The following STK32A variants were observed in gnomAD, a reference collection of about 807,000 sequenced individuals.
The protein encoded by STK32A is serine/threonine-protein kinase 32A.
In STK32A, 41 loss-of-function variants were observed where a neutral mutation model predicts 53.2. That is an observed-to-expected ratio of 0.77 (90% confidence interval 0.60 to 1.00). The LOEUF is 1.00. Ranked by LOEUF, STK32A falls within the 50% of genes least tolerant of loss-of-function variation. STK32A has a pLI of 0.00. For synonymous variants in STK32A, 166 were observed against 162.8 expected (o/e 1.02, Z -0.15); for missense variants, 458 against 485.8 (o/e 0.94, Z 0.54).
intron 2 of STK32A, among the ~76,000 whole-genome samples, chr5:147,256,241 G>T (rs9687779): frequency 0.31 from 46,538 of 152,120 alleles, 7,375 homozygotes; most frequent in African/African-American, 0.38. Context: ...GTGAACTAGT[G>T]TTGGGAGACA....
At chr5:147,369,458 G>A (rs1224314522) in intron 8 of STK32A, among the ~76,000 whole-genome samples, 1 of 151,970 alleles carries the variant, frequency 6.6e-6, no homozygotes, top group Non-Finnish European at 1.5e-5. Context: ...AATACTATTA[G>A]CCACTCACTC....
At chr5:147,322,170 G>A (rs1754354704) in intron 4 of STK32A, among the ~76,000 whole-genome samples, 1 of 152,186 alleles carries the variant, frequency 6.6e-6, no homozygotes, top group Non-Finnish European at 1.5e-5. Context: ...CAATGGCAGA[G>A]ATGACCAGCC....
At chr5:147,354,128 A>G (rs904123346) in intron 7 of STK32A, among the ~76,000 whole-genome samples, 2 of 152,190 alleles carry the variant, frequency 1.3e-5, no homozygotes, top group African/African-American at 4.8e-5. Flanking sequence ...AACAACTGCA[A>G]ATTTCATGGC....
chr5:147,331,777 G>A (rs1754884021), intron 5 of STK32A, among the ~76,000 whole-genome samples: 1 of 152,150 alleles, frequency 6.6e-6, no homozygotes, highest in Non-Finnish European at 1.5e-5. Flanking sequence ...TGATGTGGAT[G>A]TAGAGAGACA....
chr5:147,276,709 T>A (rs567826876), intron 2 of STK32A, among the ~76,000 whole-genome samples: 4 of 152,286 alleles, frequency 2.6e-5, no homozygotes, highest in African/African-American at 9.6e-5. Flanking sequence ...CTATAGTGGA[T>A]GAAATAAACT....
At chr5:147,397,630 GC>G in the STK32A span, 16 of 1,595,560 alleles carry the variant, frequency 1.0e-5, no homozygotes, top group Non-Finnish European at 1.4e-5. Context: ...GGAACACAAA[GC>G]TCCTGCACCA....
At chr5:147,257,055 A>G (rs1454285258) in intron 2 of STK32A, among the ~76,000 whole-genome samples, 1 of 152,204 alleles carries the variant, frequency 6.6e-6, no homozygotes, top group Non-Finnish European at 1.5e-5. Flanking sequence ...TGAGAGTTTG[A>G]GATAATAACC....
chr5:147,374,668 G>A (rs1039000122), intron 10 of STK32A, among the ~76,000 whole-genome samples: 6 of 152,060 alleles, frequency 3.9e-5, no homozygotes, highest in East Asian at 3.9e-4. Flanking sequence ...AGTGTGAATC[G>A]GAATCATCTG....
At chr5:147,289,587 T>C (rs931046670) in intron 4 of STK32A, among the ~76,000 whole-genome samples, 7 of 151,790 alleles carry the variant, frequency 4.6e-5, no homozygotes, top group South Asian at 2.1e-4. Context: ...TTTATACCTA[T>C]ACACACACAA....
intron 2 of STK32A, among the ~76,000 whole-genome samples, chr5:147,264,683 GC>G (rs1331089054): frequency 1.4e-4 from 22 of 152,222 alleles, no homozygotes; most frequent in African/African-American, 5.1e-4. Context: ...AAGAACATGA[GC>G]TAAATCCCCA....
chr5:147,333,673 A>G (rs1025575441), intron 5 of STK32A, among the ~76,000 whole-genome samples: 1 of 152,208 alleles, frequency 6.6e-6, no homozygotes, highest in Non-Finnish European at 1.5e-5. Flanking sequence ...CTAGCTACTC[A>G]TTTATATTAA....
chr5:147,326,750 A>G (rs544332001), intron 5 of STK32A, among the ~76,000 whole-genome samples: 2 of 152,310 alleles, frequency 1.3e-5, no homozygotes, highest in Admixed American at 6.5e-5. Flanking sequence ...TTTATCATCC[A>G]AACCAGGATA....
rs573500677 is a variant in STK32A at position 147,286,366 on chromosome 5, C to A, written c.260+6968C>A. 5.3e-5 allele frequency among the ~76,000 whole-genome samples: 8 copies of A among 152,196 alleles called. 1 individual carries two copies. Among genetic ancestry groups the A allele is most frequent in the African/African-American group, 1.7e-4 (7 of 41,534 alleles). On this transcript the variant is annotated intron_variant, in intron 4 of 12. Transcript: ENST00000397936. ...TGGGTGCAACAAAATCTCACAATCA[C>A]CACTAAAGAACTTACCCATGTAACC...
At chr5:147,267,643 A>C (rs1754863998) in intron 2 of STK32A, among the ~76,000 whole-genome samples, 1 of 152,330 alleles carries the variant, frequency 6.6e-6, no homozygotes, top group African/African-American at 2.4e-5. Flanking sequence ...AGGTAGCAGA[A>C]GTTCTATCAT....
chr5:147,280,499 AGG>A (rs1355378787), intron 4 of STK32A, among the ~76,000 whole-genome samples: 2 of 151,896 alleles, frequency 1.3e-5, no homozygotes, highest in African/African-American at 4.8e-5. Context: ...GAGCTGGGTG[AGG>A]CCTGTGACTG....
intron 4 of STK32A, among the ~76,000 whole-genome samples, chr5:147,298,019 T>C (rs370421374): frequency 5.3e-5 from 8 of 151,384 alleles, no homozygotes; most frequent in African/African-American, 1.9e-4. Flanking sequence ...GGTCAAGAAA[T>C]CATCAGTGTC....
chr5:147,370,902 G>C (rs1756980622), intron 9 of STK32A, 132 bp downstream of exon 9: 2 of 498,410 alleles, frequency 4.0e-6, no homozygotes, highest in African/African-American at 3.8e-5. Context: ...TTTTCTAGCT[G>C]TTAGCTTTCA....
chr5:147,268,586 C>A (rs1223513679), intron 2 of STK32A, among the ~76,000 whole-genome samples: 1 of 152,188 alleles, frequency 6.6e-6, no homozygotes, highest in East Asian at 1.9e-4. Flanking sequence ...TGTGATTTTA[C>A]TTTATTCCAA....
At chr5:147,340,925 A>C (rs1755373157) in intron 5 of STK32A, among the ~76,000 whole-genome samples, 1 of 152,210 alleles carries the variant, frequency 6.6e-6, no homozygotes, top group South Asian at 2.1e-4. Flanking sequence ...TTAATTAAGA[A>C]GTAATCACAT....
Sources: gnomAD v4.1 joint callset for allele counts (sites outside exome capture counted in the v4.1 genomes callset) on GRCh38, gnomAD v4.1.1 for gene constraint, MANE v1.5 for transcripts, NCBI Gene and HGNC (gene_info 2026-07-23, HGNC 2026-07-21) for gene names.